The following MYO3B variants were observed in gnomAD, a reference collection of about 807,000 sequenced individuals.
MYO3B encodes myosin-IIIb.
Under a neutral mutation model 174.6 loss-of-function variants are expected in MYO3B, and 156 were observed. The observed-to-expected ratio is 0.89, with a 90% CI of 0.78 to 1.02. MYO3B has a LOEUF of 1.02. MYO3B is among the 50% of genes least tolerant of loss of function. The pLI is 0.00. For synonymous variants in MYO3B, 563 were observed against 569.1 expected (o/e 0.99, Z 0.15); for missense variants, 1,632 against 1,639.4 (o/e 1.00, Z 0.08).
chr2:170,319,362 G>A (rs1020757180), intron 7 of MYO3B, among the ~76,000 whole-genome samples: 3 of 152,092 alleles, frequency 2.0e-5, no homozygotes, highest in African/African-American at 7.2e-5. Flanking sequence ...CCCAATGATG[G>A]TGAAAAGTAT....
At chr2:170,262,973 A>G (rs191138894) in intron 7 of MYO3B, among the ~76,000 whole-genome samples, 135 of 152,290 alleles carry the variant, frequency 8.9e-4, no homozygotes, top group African/African-American at 3.1e-3. Context: ...GACGTTACCA[A>G]TGATCATTTG....
At chr2:170,624,064 T>C (rs1696176364) in intron 32 of MYO3B, among the ~76,000 whole-genome samples, 1 of 152,228 alleles carries the variant, frequency 6.6e-6, no homozygotes. Context: ...GGGCTCTTTT[T>C]TGGTTCCATA....
chr2:170,388,491 A>C (rs143949189), intron 14 of MYO3B, among the ~76,000 whole-genome samples: 1 of 152,150 alleles, frequency 6.6e-6, no homozygotes, highest in African/African-American at 2.4e-5. Context: ...GATAAGACTG[A>C]GACCAAATCA....
At chr2:170,273,182 C>A (rs2093437730) in intron 7 of MYO3B, among the ~76,000 whole-genome samples, 1 of 152,106 alleles carries the variant, frequency 6.6e-6, no homozygotes, top group African/African-American at 2.4e-5. Flanking sequence ...ATGCTCTGAG[C>A]AATCTATAGT....
chr2:170,536,198 A>G (rs1689672244), intron 30 of MYO3B, among the ~76,000 whole-genome samples: 1 of 152,220 alleles, frequency 6.6e-6, no homozygotes, highest in Non-Finnish European at 1.5e-5. Context: ...ATATGATCAC[A>G]TTTAAAGGGC....
At chr2:170,614,003 A>G (rs1695287269) in intron 32 of MYO3B, among the ~76,000 whole-genome samples, 1 of 152,040 alleles carries the variant, frequency 6.6e-6, no homozygotes, top group Non-Finnish European at 1.5e-5. Flanking sequence ...ACCCTGATTA[A>G]TACAAGTCCC....
At position 170,236,033 on chromosome 2, in the gene MYO3B, C is replaced by A. The variant is rs938900489; in HGVS notation, c.646C>A (p.Arg216Ser). ...GCAGTATGACTCTTCCTATGACGCTCGCTGTGACGTCTGGTCCTTGGGGAT... is the reference window on the plus strand; with the variant it reads ...GCAGTATGACTCTTCCTATGACGCTAGCTGTGACGTCTGGTCCTTGGGGAT... The part of the protein sequence containing the change: ...EQQYDSSYDA[R>S]CDVWSLGITA... Residue 216 changes from arginine (R) to serine (S), a missense_variant, in exon 7 of 35, where the codon CGC (arginine) becomes AGC (serine). By Grantham distance (110) the Arg-to-Ser change is moderately radical. Transcript: ENST00000408978. The A allele has an allele frequency of 1.9e-6, 3 of 1,614,012 alleles. No homozygotes were observed. Among genetic ancestry groups the A allele is most frequent in the Middle Eastern group, 1.7e-4 (1 of 6,058 alleles).
intron 22 of MYO3B, among the ~76,000 whole-genome samples, chr2:170,422,327 CA>C (rs2094622314): frequency 6.6e-6 from 1 of 152,068 alleles, no homozygotes; most frequent in African/African-American, 2.4e-5. Flanking sequence ...CTCAGCCCCC[CA>C]AGTAGTTGAG....
At chr2:170,322,927 G>A (rs1188553609) in intron 7 of MYO3B, among the ~76,000 whole-genome samples, 3 of 152,104 alleles carry the variant, frequency 2.0e-5, no homozygotes, top group Non-Finnish European at 4.4e-5. Flanking sequence ...GGATCTGATG[G>A]TACAATCTGT....
chr2:170,182,495 C>G (rs966861080), intron 1 of MYO3B, among the ~76,000 whole-genome samples: 8 of 152,132 alleles, frequency 5.3e-5, no homozygotes, highest in African/African-American at 1.9e-4. Context: ...ATTTCTACCC[C>G]TGTGGCATAA....
At chr2:170,254,416 C>T (rs2093285228) in intron 7 of MYO3B, among the ~76,000 whole-genome samples, 1 of 152,144 alleles carries the variant, frequency 6.6e-6, no homozygotes, top group Non-Finnish European at 1.5e-5. Flanking sequence ...AGCAGAGCTG[C>T]CTTTCCTGCG....
intron 25 of MYO3B, among the ~76,000 whole-genome samples, chr2:170,486,223 C>A (rs753662187): frequency 2.1e-4 from 32 of 149,992 alleles, no homozygotes; most frequent in Admixed American, 6.7e-5. Context: ...AAACATAAGA[C>A]AATAACTCAA....
intron 7 of MYO3B, among the ~76,000 whole-genome samples, chr2:170,271,184 A>G (rs924858647): frequency 6.6e-6 from 1 of 152,162 alleles, no homozygotes; most frequent in African/African-American, 2.4e-5. Context: ...TTATTTTAGT[A>G]TTTGTTAATG....
In MYO3B at chr2:170,483,614, C is replaced by T. The variant is rs140535910; in HGVS notation, c.3015-14978C>T. 9.2e-3 allele frequency among the ~76,000 whole-genome samples: 1,162 copies of T among 126,402 alleles called. 242 individuals are homozygous for T. Among genetic ancestry groups the T allele is most frequent in the African/African-American group, 0.053 (1,089 of 20,378 alleles). The allele number at this position is 126,402 out of a possible 152,430, so 82.9% of individuals were successfully genotyped here. ...TGTTAGCCAGGATGGTCTCGATCTC[C>T]TGACCTCGTGATCCGCCTGCCTCGG... On this transcript the variant is annotated intron_variant, in intron 25 of 34. Transcript: ENST00000408978.
chr2:170,507,793 G>T (rs1042869180), intron 28 of MYO3B, among the ~76,000 whole-genome samples: 1 of 152,182 alleles, frequency 6.6e-6, no homozygotes, highest in Non-Finnish European at 1.5e-5. Context: ...TACCTTGTCT[G>T]TGACAAGGCT....
intron 32 of MYO3B, among the ~76,000 whole-genome samples, chr2:170,639,683 C>T (rs533135322): frequency 7.9e-5 from 12 of 152,266 alleles, no homozygotes; most frequent in African/African-American, 2.2e-4. Flanking sequence ...CTCCTGAGAC[C>T]GCAGAGTTTT....
chr2:170,200,601 T>C (rs943925390), intron 3 of MYO3B, among the ~76,000 whole-genome samples: 8 of 152,242 alleles, frequency 5.3e-5, no homozygotes, highest in Non-Finnish European at 4.4e-5. Flanking sequence ...TGATTGCAAC[T>C]CATTTTCAAA....
intron 32 of MYO3B, among the ~76,000 whole-genome samples, chr2:170,632,095 A>G (rs1697041405): frequency 1.3e-5 from 2 of 152,218 alleles, no homozygotes; most frequent in African/African-American, 4.8e-5. Flanking sequence ...ATTAACACGG[A>G]TATCCAGGAC....
At position 170,199,300 on chromosome 2, in the gene MYO3B, C is replaced by T. The variant is rs2092635573; in HGVS notation, c.95C>T (p.Thr32Ile). Residue 32 changes from threonine (T) to isoleucine (I), a missense_variant, in exon 2 of 35, where the codon ACC becomes ATC. By Grantham distance (89) the Thr-to-Ile change is moderately conservative. Coordinates refer to ENST00000408978, the MANE Select transcript of MYO3B (RefSeq NM_138995.5). Reference sequence around the variant, plus strand: ...ACAGACACCTGGGAAATTATAGAGACCATTGGTAAAGGCACCTATGGCAAA... The same window carrying T: ...ACAGACACCTGGGAAATTATAGAGATCATTGGTAAAGGCACCTATGGCAAA... ...DPTDTWEIIE[T>I]IGKGTYGKVY... 8.1e-6 allele frequency: 13 copies of T among 1,613,466 alleles called. No homozygotes were observed. Among genetic ancestry groups the T allele is most frequent in the Non-Finnish European group, 1.1e-5 (13 of 1,179,634 alleles).
Sources: gnomAD v4.1 joint callset for allele counts (sites outside exome capture counted in the v4.1 genomes callset) on GRCh38, gnomAD v4.1.1 for gene constraint, MANE v1.5 for transcripts, NCBI Gene and HGNC (gene_info 2026-07-23, HGNC 2026-07-21) for gene names.